VEZT: variants seen among roughly 807,000 people sequenced by gnomAD.
VEZT encodes vezatin, adherens junctions transmembrane protein, also known as vezatin.
A neutral mutation model predicts 79.9 loss-of-function variants in VEZT; 39 were observed. The observed-to-expected ratio is 0.49, with a 90% CI of 0.38 to 0.64. The LOEUF (loss-of-function observed/expected upper bound fraction) is 0.64, where lower values mean the gene tolerates loss of function less well. Among genes scored for constraint, VEZT ranks in the 30% least tolerant of loss-of-function variants. The pLI is 0.00. For missense variants in VEZT, 837 were observed against 893.1 expected (o/e 0.94, Z 0.80); for synonymous variants, 325 against 327.6 (o/e 0.99, Z 0.09).
Position 95,225,761 on chromosome 12 carries a change from C to CAAAAAAAAAA in VEZT, c.36+7898_36+7907dup, listed in dbSNP as rs531470163. On this transcript the variant is annotated intron_variant, in intron 1 of 11. Transcript: ENST00000436874. ...TTGCCTCCACAGCTTTGTTTCATAG[C>CAAAAAAAAAA]AAAAAAAAAAAAAAAAAAAAAAAAA... Among the ~76,000 whole-genome samples, 4 of 40,868 alleles carry CAAAAAAAAAA rather than the reference C, an allele frequency of 9.8e-5. 1 individual carries two copies. The highest frequency in any genetic ancestry group is 9.5e-4 in the South Asian group (1 of 1,050). The allele number at this position is 40,868 out of a possible 152,430, so 26.8% of individuals were successfully genotyped here. A position where few individuals can be genotyped will look rare whatever the true frequency, so the allele number is the denominator to read the frequency against.
At chr12:95,249,887 T>C (rs2062253665) in intron 1 of VEZT, among the ~76,000 whole-genome samples, 1 of 151,100 alleles carries the variant, frequency 6.6e-6, no homozygotes, top group Admixed American at 6.6e-5. Flanking sequence ...TCCTCATCTA[T>C]GGAATTGGAA....
At chr12:95,296,321 A>G in intron 11 of VEZT, 63 bp downstream of exon 11, 1 of 1,455,258 alleles carries the variant, frequency 6.9e-7, no homozygotes, top group African/African-American at 1.4e-5. Flanking sequence ...TTCTTGAACC[A>G]TGAATGTTAT....
intron 1 of VEZT, among the ~76,000 whole-genome samples, chr12:95,230,423 C>T (rs1267392322): frequency 1.0e-4 from 14 of 138,826 alleles, no homozygotes; most frequent in South Asian, 2.3e-4. Context: ...CTTTTTCTTT[C>T]TTTTTTTTTT....
intron 1 of VEZT, among the ~76,000 whole-genome samples, chr12:95,240,832 A>AT (rs1462619655): frequency 6.6e-6 from 1 of 151,994 alleles, no homozygotes; most frequent in East Asian, 1.9e-4. Flanking sequence ...TAGGCTACAT[A>AT]TTTTTTTGTG....
intron 1 of VEZT, among the ~76,000 whole-genome samples, chr12:95,220,539 C>T (rs1034892509): frequency 6.6e-6 from 1 of 152,136 alleles, no homozygotes; most frequent in Admixed American, 6.6e-5. Context: ...TACTCCCTAC[C>T]CCAAAATGAT....
At chr12:95,279,212 T>G (rs1402942187) in intron 7 of VEZT, among the ~76,000 whole-genome samples, 1 of 152,240 alleles carries the variant, frequency 6.6e-6, no homozygotes, top group Non-Finnish European at 1.5e-5. Flanking sequence ...TCCAAAAATT[T>G]GAAATTTGAA....
intron 1 of VEZT, among the ~76,000 whole-genome samples, chr12:95,237,919 A>T (rs1385790196): frequency 6.6e-6 from 1 of 152,228 alleles, no homozygotes; most frequent in African/African-American, 2.4e-5. Flanking sequence ...ACGAGAAAAA[A>T]GTCTGTATTG....
intron 1 of VEZT, among the ~76,000 whole-genome samples, chr12:95,236,205 G>A (rs1427155465): frequency 6.6e-6 from 1 of 152,300 alleles, no homozygotes; most frequent in Admixed American, 6.5e-5. Flanking sequence ...CGGATCACTC[G>A]CGGTTAGGAG....
At chr12:95,226,090 C>T (rs1222866755) in intron 1 of VEZT, among the ~76,000 whole-genome samples, 1 of 129,852 alleles carries the variant, frequency 7.7e-6, no homozygotes, top group South Asian at 2.6e-4. Context: ...TGAGACTTTG[C>T]CTTTATTTAA....
chr12:95,283,091 C>T (rs141195362), intron 8 of VEZT, among the ~76,000 whole-genome samples: 106 of 152,226 alleles, frequency 7.0e-4, no homozygotes, highest in African/African-American at 2.5e-3. Flanking sequence ...TAAATTACAG[C>T]AGATCTGAAA....
At chr12:95,230,736 G>A (rs1224312857) in intron 1 of VEZT, among the ~76,000 whole-genome samples, 1 of 152,148 alleles carries the variant, frequency 6.6e-6, no homozygotes, top group Non-Finnish European at 1.5e-5. Flanking sequence ...TCTTAAAGCA[G>A]TTGAAAATGA....
intron 1 of VEZT, among the ~76,000 whole-genome samples, chr12:95,251,084 C>T (rs1313702126): frequency 6.6e-6 from 1 of 152,088 alleles, no homozygotes; most frequent in East Asian, 1.9e-4. Context: ...GATCTCGGCT[C>T]ACTGCAACCT....
intron 1 of VEZT, 91 bp from the exon 2 acceptor site, chr12:95,251,849 C>T (rs1593433313): frequency 8.2e-7 from 1 of 1,213,648 alleles, no homozygotes; most frequent in East Asian, 2.4e-5. Context: ...ACATACTGGT[C>T]ACAATAGTGA....
chr12:95,283,865 TG>T (rs1338106160), intron 8 of VEZT, among the ~76,000 whole-genome samples: 2 of 152,248 alleles, frequency 1.3e-5, no homozygotes, highest in African/African-American at 4.8e-5. Flanking sequence ...TACAGGGAAC[TG>T]GGCGATAAGG....
intron 1 of VEZT, among the ~76,000 whole-genome samples, chr12:95,238,028 T>C (rs1731196006): frequency 6.6e-6 from 1 of 152,192 alleles, no homozygotes; most frequent in Admixed American, 6.5e-5. Context: ...AAAAATATGA[T>C]TGAATTAAAA....
intron 2 of VEZT, among the ~76,000 whole-genome samples, chr12:95,253,004 A>T (rs760344458): frequency 1.3e-5 from 2 of 152,162 alleles, no homozygotes; most frequent in Non-Finnish European, 2.9e-5. Context: ...TTTAGATGAG[A>T]CAGCTGAAGC....
chr12:95,296,284 G>T (rs190255555), intron 11 of VEZT, 26 bp downstream of exon 11: 5 of 1,539,638 alleles, frequency 3.2e-6, no homozygotes, highest in East Asian at 2.4e-5. Flanking sequence ...AAAGTAACAG[G>T]TTATTTCAAT....
chr12:95,252,684 G>C (rs1208820698), intron 2 of VEZT, among the ~76,000 whole-genome samples: 1 of 152,224 alleles, frequency 6.6e-6, no homozygotes, highest in Non-Finnish European at 1.5e-5. Context: ...AAATTTATGG[G>C]CCAGGCGCGG....
intron 3 of VEZT, 91 bp from the exon 4 acceptor site, chr12:95,262,815 C>G: frequency 8.4e-7 from 1 of 1,190,440 alleles, no homozygotes; most frequent in Non-Finnish European, 1.1e-6. Flanking sequence ...AAAATAAACA[C>G]CACCAAATTT....
Sources: gnomAD v4.1 joint callset for allele counts (sites outside exome capture counted in the v4.1 genomes callset) on GRCh38, gnomAD v4.1.1 for gene constraint, MANE v1.5 for transcripts, NCBI Gene and HGNC (gene_info 2026-07-23, HGNC 2026-07-21) for gene names.